Variants in FBXO24 observed in about 807,000 individuals in gnomAD.
FBXO24 encodes the protein F-box protein 24.
A neutral mutation model predicts 63.5 loss-of-function variants in FBXO24; 30 were observed. That is an observed-to-expected ratio of 0.47 (90% CI 0.35 to 0.64). The LOEUF is 0.64. FBXO24 is among the 30% of genes least tolerant of loss of function. FBXO24 has a pLI of 0.00. For missense variants in FBXO24, 624 were observed against 763.4 expected (o/e 0.82, Z 2.15); for synonymous variants, 300 against 305.0 (o/e 0.98, Z 0.17).
Position 100,600,716 on chromosome 7 carries a change from G to C in FBXO24, c.1560G>C (p.Glu520Asp). 1 of 1,614,200 alleles carries C rather than the reference G, an allele frequency of 6.2e-7. No homozygotes were observed. Among genetic ancestry groups the C allele is most frequent in the Non-Finnish European group, 8.5e-7 (1 of 1,180,022 alleles). ...QDPGGMAQAC[E>D]EYLSQIHSCQ... ...CCGGGGGGATGGCCCAGGCCTGCGA[G>C]GAGTACCTCAGCCAGATCCACAGTT... Residue 520 changes from glutamate (E) to aspartate (D), a missense_variant, in exon 10 of 10, where the codon GAG becomes GAC. By Grantham distance (45) the Glu-to-Asp change is conservative. This residue lies in a region of FBXO24 where 216 missense variants were observed against 245.2 expected (regional missense o/e 0.88). Coordinates refer to ENST00000241071, the MANE Select transcript of FBXO24 (RefSeq NM_033506.3). The surrounding 1 kb of genome is among the most constrained non-coding windows in gnomAD (Gnocchi z 6.3).
At chr7:100,596,402 G>C (rs1802311557) in intron 8 of FBXO24, among the ~76,000 whole-genome samples, 1 of 152,250 alleles carries the variant, frequency 6.6e-6, no homozygotes. Flanking sequence ...ACCTGGGACA[G>C]TGACAAGACG....
chr7:100,589,827 G>C, intron 1 of FBXO24, 150 bp from the exon 2 acceptor site: 1 of 1,520,148 alleles, frequency 6.6e-7, no homozygotes, highest in Admixed American at 2.1e-5. Flanking sequence ...ATCGGGAGGA[G>C]TTATTTGGAG....
intron 3 of FBXO24, 52 bp from the exon 4 acceptor site, chr7:100,591,615 C>T: frequency 1.9e-6 from 3 of 1,553,070 alleles, no homozygotes; most frequent in Non-Finnish European, 2.7e-6. Context: ...TCCAACTCAT[C>T]TCCCTCGTGT....
At chr7:100,589,935 TGTGGGACCCTC>T (rs762679527) in intron 1 of FBXO24, 31 bp from the exon 2 acceptor site, 2 of 1,587,404 alleles carry the variant, frequency 1.3e-6, no homozygotes, top group Non-Finnish European at 1.7e-6. Flanking sequence ...GAAAAAAGGA[TGTGGGACCCTC>T]ATGGGACCCT....
At position 100,590,012 on chromosome 7, in the gene FBXO24, T is replaced by C. The variant is rs534893747; in HGVS notation, c.75T>C (p.Leu25=). The C allele has an allele frequency of 3.0e-5, 49 of 1,613,430 alleles. No individual in the cohort carries two copies. In the East Asian group the frequency reaches 1.0e-3, roughly 33 times the overall value. ...KRSCPSCGSE[L]GVEEKRGKGN... ...GCTGCCCTTCTTGTGGCTCGGAGCT[T>C]GGGGTTGAAGAGAAGAGGGGGAAAG... is the stretch of plus-strand genomic sequence containing the variant. The change falls in exon 2 of 10, where the codon CTT becomes CTC. Residue 25 remains leucine (L), a synonymous_variant. Coordinates refer to ENST00000241071, the MANE Select transcript of FBXO24 (RefSeq NM_033506.3).
In FBXO24 at chr7:100,590,011, T is replaced by C. The variant is rs1801929560; in HGVS notation, c.74T>C (p.Leu25Pro). Residue 25 changes from leucine (L) to proline (P), a missense_variant, in exon 2 of 10, where the codon CTT becomes CCT. Leu to Pro is a moderately conservative substitution (Grantham distance 98). Transcript: ENST00000241071. ...KRSCPSCGSE[L>P]GVEEKRGKGN... ...AGCTGCCCTTCTTGTGGCTCGGAGC[T>C]TGGGGTTGAAGAGAAGAGGGGGAAA... The C allele has an allele frequency of 6.2e-7, 1 of 1,613,346 alleles. No homozygotes were observed.
At position 100,595,133 on chromosome 7, in the gene FBXO24, C is replaced by G. The variant is rs764239245; in HGVS notation, c.984C>G (p.Thr328=). ...DQGGVYFEVH[T]PGVYRDLFGT... ...GGGGAGTGTATTTTGAGGTGCATAC[C>G]CCAGGGGTGTATCGCGATCTCTTTG... is the stretch of plus-strand genomic sequence containing the variant. Residue 328 remains threonine (T), a synonymous_variant, in exon 7 of 10, where the codon ACC becomes ACG. Transcript: ENST00000241071. 9 of 1,613,932 alleles carry G rather than the reference C, an allele frequency of 5.6e-6. No individual in the cohort carries two copies.
chr7:100,592,557 C>T (rs1462608402), intron 4 of FBXO24, among the ~76,000 whole-genome samples: 2 of 152,174 alleles, frequency 1.3e-5, no homozygotes, highest in South Asian at 2.1e-4. Context: ...TGGGTGGGGG[C>T]ACAGAGCCTA....
chr7:100,600,582 A>AT lies in FBXO24; in HGVS notation c.1427dup (p.Leu477ProfsTer7). 6.2e-7 allele frequency: 1 copy of AT among 1,604,652 alleles called. No individual in the cohort carries two copies. On this transcript the variant is annotated frameshift_variant, in exon 10 of 10. Coordinates refer to ENST00000241071, the MANE Select transcript of FBXO24 (RefSeq NM_033506.3). LOFTEE classifies it high-confidence loss of function. The surrounding 1 kb of genome is among the most constrained non-coding windows in gnomAD (Gnocchi z 6.3). ...CTGTGCCACCAGGGAGTGCCTATAC[A>AT]TCCTGTCCAGCCACGACATTGAGCA... is the stretch of plus-strand genomic sequence containing the variant.
At chr7:100,590,144 ACT>A (rs1324114377) in intron 2 of FBXO24, 28 bp from the exon 3 acceptor site, 2 of 1,608,536 alleles carry the variant, frequency 1.2e-6, no homozygotes, top group Non-Finnish European at 1.7e-6. Flanking sequence ...GCCACCAAAG[ACT>A]CCCCGCTTCT....
chr7:100,589,592 C>T, intron 1 of FBXO24: 1 of 1,443,918 alleles, frequency 6.9e-7, no homozygotes, highest in Non-Finnish European at 9.1e-7. Flanking sequence ...GGGGGAGGGG[C>T]CTAGGAGGCA....
chr7:100,593,621 C>T (rs1362630761), intron 5 of FBXO24, among the ~76,000 whole-genome samples: 2 of 138,148 alleles, frequency 1.4e-5, no homozygotes, highest in African/African-American at 2.8e-5. Context: ...AGCGAGACTC[C>T]GTCTCAAAAA....
intron 4 of FBXO24, chr7:100,592,118 G>T: frequency 2.1e-6 from 1 of 480,054 alleles, no homozygotes; most frequent in Non-Finnish European, 3.8e-6. Context: ...AATTAGCTGG[G>T]TGTGGTGGTG....
In FBXO24 at chr7:100,601,097, A is replaced by G. The variant is rs1477776927; in HGVS notation, c.*198A>G. 2 of 593,994 alleles carry G rather than the reference A, an allele frequency of 3.4e-6. No homozygotes were observed. Among genetic ancestry groups the G allele is most frequent in the South Asian group, 2.8e-5 (1 of 35,562 alleles). The allele number at this position is 593,994 out of a possible 1,614,324, so 36.8% of individuals were successfully genotyped here. A position where few individuals can be genotyped will look rare whatever the true frequency, so the allele number is the denominator to read the frequency against. ...ATCATGGACAAGAGATTTGATGGATAGAATAAAAGGCTGCAGCGAGGCCTG... is the reference window on the plus strand; with the variant it reads ...ATCATGGACAAGAGATTTGATGGATGGAATAAAAGGCTGCAGCGAGGCCTG... On this transcript the variant is annotated 3_prime_UTR_variant, in exon 10 of 10. Coordinates refer to ENST00000241071, the MANE Select transcript of FBXO24 (RefSeq NM_033506.3).
chr7:100,592,065 A>G, intron 4 of FBXO24, 163 bp downstream of exon 4: 1 of 652,322 alleles, frequency 1.5e-6, no homozygotes, highest in Admixed American at 2.9e-5. Flanking sequence ...GTTCGAGACC[A>G]GCCTGGCCAA....
chr7:100,593,712 G>A (rs1477995447), intron 5 of FBXO24, among the ~76,000 whole-genome samples: 5 of 136,796 alleles, frequency 3.7e-5, no homozygotes, highest in Non-Finnish European at 7.6e-5. Context: ...CAGGAGAATC[G>A]CTTGAACCCA....
At chr7:100,599,092 A>C (rs1802453796) in intron 8 of FBXO24, among the ~76,000 whole-genome samples, 1 of 152,130 alleles carries the variant, frequency 6.6e-6, no homozygotes, top group Non-Finnish European at 1.5e-5. Flanking sequence ...TTAAAATTTA[A>C]AAATTATAGG....
In FBXO24 at chr7:100,593,012, T is replaced by G; in HGVS notation, c.788T>G (p.Leu263Arg). Residue 263 changes from leucine to arginine, a missense_variant, in exon 5 of 10, where the codon CTC becomes CGC. Leu to Arg is a moderately radical substitution (Grantham distance 102, BLOSUM62 -2). This residue lies in a region of FBXO24 where 391 missense variants were observed against 469.1 expected (regional missense o/e 0.83). Coordinates refer to ENST00000241071, the MANE Select transcript of FBXO24 (RefSeq NM_033506.3). ...GAGACCCAGCGGGCTCTACTGCTCC[T>G]CACAGGTGTGGCCCAAAGCAATGGC... ...GQETQRALLL[L>R]TEEGKIYSLV... is the part of the protein sequence containing the mutation. The G allele has an allele frequency of 6.2e-7, 1 of 1,613,806 alleles. No homozygotes were observed. The highest frequency in any genetic ancestry group is 8.5e-7 in the Non-Finnish European group (1 of 1,179,748).
intron 7 of FBXO24, 112 bp downstream of exon 7, chr7:100,595,335 G>T: frequency 1.3e-6 from 2 of 1,553,710 alleles, no homozygotes; most frequent in Non-Finnish European, 1.7e-6. Context: ...GGATCCCCAG[G>T]GAGAGGTATG....
Sources: gnomAD v4.1 joint callset for allele counts (sites outside exome capture counted in the v4.1 genomes callset) on GRCh38, gnomAD v4.1.1 for gene constraint, gnomAD v4.1.1 regional missense constraint, Gnocchi (gnomAD v3.1) non-coding constraint, MANE v1.5 for transcripts, NCBI Gene and HGNC (gene_info 2026-07-23, HGNC 2026-07-21) for gene names.